Variants in DOCK5 observed in about 807,000 individuals in gnomAD.
DOCK5 encodes the protein dedicator of cytokinesis protein 5.
In DOCK5, 142 loss-of-function variants were observed where a neutral mutation model predicts 251.8. The observed-to-expected ratio is 0.56, with a 90% confidence interval of 0.49 to 0.65. DOCK5 has a LOEUF of 0.65. Ranked by LOEUF, DOCK5 falls within the 30% of genes least tolerant of loss-of-function variation. DOCK5 has a pLI of 0.00. For missense variants in DOCK5, 2,111 were observed against 2,312.3 expected (o/e 0.91, Z 1.79); for synonymous variants, 842 against 835.5 (o/e 1.01, Z -0.13).
intron 46 of DOCK5, among the ~76,000 whole-genome samples, chr8:25,400,304 G>A (rs905479934): frequency 4.6e-5 from 7 of 151,940 alleles, no homozygotes; most frequent in African/African-American, 1.7e-4. Flanking sequence ...TTCCAGACCA[G>A]CCTGGCCAAC....
chr8:25,338,222 G>A (rs1274456075), intron 22 of DOCK5, among the ~76,000 whole-genome samples: 2 of 151,712 alleles, frequency 1.3e-5, no homozygotes, highest in Non-Finnish European at 2.9e-5. Flanking sequence ...TATATTTTTT[G>A]TAGAGACAGG....
intron 15 of DOCK5, among the ~76,000 whole-genome samples, chr8:25,320,409 C>T (rs1039568091): frequency 5.3e-5 from 8 of 152,188 alleles, no homozygotes; most frequent in African/African-American, 1.9e-4. Context: ...TTTAAAACTA[C>T]TTATCTCAAT....
intron 22 of DOCK5, among the ~76,000 whole-genome samples, chr8:25,339,198 A>G (rs1805888522): frequency 6.6e-6 from 1 of 152,190 alleles, no homozygotes; most frequent in Non-Finnish European, 1.5e-5. Context: ...CCTTCCGCAG[A>G]GCTTAAATCT....
chr8:25,337,173 C>G (rs1805831855), intron 22 of DOCK5, among the ~76,000 whole-genome samples: 2 of 151,936 alleles, frequency 1.3e-5, no homozygotes, highest in Non-Finnish European at 2.9e-5. Context: ...AAAAGAAAAA[C>G]TTAAATGGTC....
chr8:25,336,262 T>G lies in DOCK5; in HGVS notation c.2216T>G (p.Phe739Cys). ...AGGAAACTCTCCAAGGTACTGAACT[T>G]CTATGTGGCTAATGCAGATGACTCC... is the stretch of plus-strand genomic sequence containing the variant. ...AYVKLSKVLNFYVANADDSSK... is the reference protein window; with the variant it reads ...AYVKLSKVLNCYVANADDSSK... The change falls in exon 22 of 52, where the codon TTC becomes TGC. Residue 739 changes from phenylalanine to cysteine, a missense_variant. Coordinates refer to ENST00000276440, the MANE Select transcript of DOCK5 (RefSeq NM_024940.8). 3.1e-6 allele frequency: 5 copies of G among 1,613,778 alleles called. No homozygotes were observed. The highest frequency in any genetic ancestry group is 2.5e-6 in the Non-Finnish European group (3 of 1,179,716).
At position 25,359,035 on chromosome 8, in the gene DOCK5, A is replaced by G; in HGVS notation, c.2923A>G (p.Thr975Ala). ...DDSHYSHYIS[T>A]FKTRQDIIDF... ...CAGCCACTATAGCCACTACATCAGC[A>G]CTTTCAAAACCAGACAAGACATCAT... Residue 975 changes from threonine (T) to alanine (A), a missense_variant, in exon 28 of 52, where the codon ACT (threonine) becomes GCT (alanine). Physicochemically the swap from Thr to Ala is moderately conservative, Grantham distance 58. Coordinates refer to ENST00000276440, the MANE Select transcript of DOCK5 (RefSeq NM_024940.8). 6.2e-7 allele frequency: 1 copy of G among 1,613,986 alleles called. No individual in the cohort carries two copies. The highest frequency in any genetic ancestry group is 1.3e-5 in the African/African-American group (1 of 75,046).
chr8:25,290,690 G>T (rs1451154207), intron 5 of DOCK5, among the ~76,000 whole-genome samples: 1 of 152,072 alleles, frequency 6.6e-6, no homozygotes, highest in Non-Finnish European at 1.5e-5. Flanking sequence ...ATTTGCTAGA[G>T]TGCCTACTTA....
In DOCK5 at chr8:25,380,340, G is replaced by T. The variant is rs1159768966; in HGVS notation, c.3972G>T (p.Leu1324Phe). 1.9e-6 allele frequency: 3 copies of T among 1,612,058 alleles called. No individual in the cohort carries two copies. The highest frequency in any genetic ancestry group is 1.3e-5 in the African/African-American group (1 of 74,860). ...AGGCCATCAAGCTGAGCAAAGAGTTGGCTGAGACTTACGAAAGCAAAGTAT... is the reference window on the plus strand; with the variant it reads ...AGGCCATCAAGCTGAGCAAAGAGTTTGCTGAGACTTACGAAAGCAAAGTAT... Reference protein sequence around the residue: ...WEKAIKLSKELAETYESKVFD... With the variant: ...WEKAIKLSKEFAETYESKVFD... The change falls in exon 39 of 52, where the codon TTG (leucine) becomes TTT (phenylalanine). Residue 1324 changes from leucine to phenylalanine, a missense_variant. Physicochemically the swap from Leu to Phe is conservative, Grantham distance 22. This residue lies in a region of DOCK5 where 1,717 missense variants were observed against 1,892.4 expected (regional missense o/e 0.91). Transcript: ENST00000276440.
At chr8:25,400,870 A>G in intron 46 of DOCK5, 59 bp from the exon 47 acceptor site, 1 of 1,601,600 alleles carries the variant, frequency 6.2e-7, no homozygotes, top group Non-Finnish European at 8.5e-7. Flanking sequence ...TCCCCAACCA[A>G]ATCAAAACGA....
chr8:25,258,693 A>G (rs1032175729), intron 2 of DOCK5, among the ~76,000 whole-genome samples: 3 of 152,160 alleles, frequency 2.0e-5, no homozygotes, highest in African/African-American at 7.2e-5. Flanking sequence ...TATTCCTTAC[A>G]GCAGTCTATT....
At chr8:25,355,659 G>A (rs1430599391) in intron 27 of DOCK5, among the ~76,000 whole-genome samples, 6 of 151,880 alleles carry the variant, frequency 4.0e-5, no homozygotes, top group Admixed American at 6.6e-5. Context: ...CATGTTGGCC[G>A]GGCTAGTCTT....
At chr8:25,348,837 CAAA>C (rs574264117) in intron 26 of DOCK5, among the ~76,000 whole-genome samples, 19 of 115,830 alleles carry the variant, frequency 1.6e-4, no homozygotes, top group Non-Finnish European at 2.2e-4. Flanking sequence ...GACTCTGTCT[CAAA>C]AAAAAAAAAA....
chr8:25,382,622 C>G, intron 39 of DOCK5, 52 bp from the exon 40 acceptor site: 1 of 1,417,312 alleles, frequency 7.1e-7, no homozygotes, highest in East Asian at 2.4e-5. Flanking sequence ...TTTTTTTTCC[C>G]CCAACTGTGT....
chr8:25,344,392 C>T (rs1800320424), intron 25 of DOCK5, among the ~76,000 whole-genome samples: 1 of 152,118 alleles, frequency 6.6e-6, no homozygotes, highest in African/African-American at 2.4e-5. Flanking sequence ...AGAGTGTAAC[C>T]TCATTTTATG....
intron 6 of DOCK5, among the ~76,000 whole-genome samples, chr8:25,294,757 G>C (rs1172635327): frequency 6.6e-6 from 1 of 152,180 alleles, no homozygotes; most frequent in African/African-American, 2.4e-5. Flanking sequence ...TCTGTTGGCT[G>C]TACAGGCAGC....
In DOCK5 at chr8:25,414,909, C is replaced by CTTTTTTTTTTTTTTTTTTTTT. The variant is rs56338302; in HGVS notation, c.*3624_*3625insTTTTTTTTTTTTTTTTTTTTT. On this transcript the variant is annotated 3_prime_UTR_variant, in exon 52 of 52. Coordinates refer to ENST00000276440, the MANE Select transcript of DOCK5 (RefSeq NM_024940.8). ...ATTTGTAGTCAGTCCCTGGGCCTGT[C>CTTTTTTTTTTTTTTTTTTTTT]TTTTTTTTTTTTTAATTTTGAAGCT... 4.6e-4 allele frequency: 44 copies of CTTTTTTTTTTTTTTTTTTTTT among 96,624 alleles called. 1 individual carries two copies. Among genetic ancestry groups the CTTTTTTTTTTTTTTTTTTTTT allele is most frequent in the Non-Finnish European group, 5.6e-4 (28 of 50,206 alleles). 6.0% of individuals were successfully genotyped at this position (96,624 alleles called of 1,614,324 possible).
rs201361808 is a variant in DOCK5, at chr8:25,345,254, A to T, written c.2618-221A>T. 1.1e-3 allele frequency: 369 copies of T among 332,502 alleles called. 3 individuals are homozygous for T. The East Asian group carries it at 0.016, about 14-fold the overall frequency. 20.6% of individuals were successfully genotyped at this position (332,502 alleles called of 1,614,324 possible). ...CCCACCTTCACCTGTGAGAAGGGTC[A>T]TTTTTTTTTTTTTTAATTCATTCAT... On this transcript the variant is annotated intron_variant, in intron 25 of 51. Coordinates refer to ENST00000276440, the MANE Select transcript of DOCK5 (RefSeq NM_024940.8).
chr8:25,401,062 C>T lies in DOCK5; in HGVS notation c.4922C>T (p.Thr1641Ile), dbSNP rs780006815. ...GTAGAAAAGCACTATGGGGTTATAACACTGGTAAGCATGATCTAAGTAGCC... is the reference window on the plus strand; with the variant it reads ...GTAGAAAAGCACTATGGGGTTATAATACTGGTAAGCATGATCTAAGTAGCC... ...EKVEKHYGVI[T>I]LPPNLTERKQ... The change falls in exon 47 of 52, where the codon ACA becomes ATA. Residue 1641 changes from threonine (T) to isoleucine (I), a missense_variant. This residue lies in a region of DOCK5 where 1,717 missense variants were observed against 1,892.4 expected (regional missense o/e 0.91). Coordinates refer to ENST00000276440, the MANE Select transcript of DOCK5 (RefSeq NM_024940.8). 1.2e-6 allele frequency: 2 copies of T among 1,613,964 alleles called. No individual in the cohort carries two copies. Among genetic ancestry groups the T allele is most frequent in the Admixed American group, 1.7e-5 (1 of 60,012 alleles).
intron 47 of DOCK5, among the ~76,000 whole-genome samples, chr8:25,401,666 G>T (rs535281339): frequency 6.6e-6 from 1 of 151,110 alleles, no homozygotes; most frequent in East Asian, 2.0e-4. Context: ...CCCAGGAGGC[G>T]GAGGTTTCAT....
Sources: gnomAD v4.1 joint callset for allele counts (sites outside exome capture counted in the v4.1 genomes callset) on GRCh38, gnomAD v4.1.1 for gene constraint, gnomAD v4.1.1 regional missense constraint, MANE v1.5 for transcripts, NCBI Gene and HGNC (gene_info 2026-07-23, HGNC 2026-07-21) for gene names.